SLC49A4: variants seen among roughly 807,000 people sequenced by gnomAD.
SLC49A4 encodes the protein disrupted in renal cancer protein 2.
In SLC49A4, 36 loss-of-function variants were observed where a neutral mutation model predicts 50.6. The ratio of observed to expected loss-of-function variants is 0.71; its 90% CI spans 0.55 to 0.94. SLC49A4 has a LOEUF of 0.94. Among genes scored for constraint, SLC49A4 ranks in the 40% least tolerant of loss-of-function variants. The probability of loss-of-function intolerance (pLI) is 0.00; values close to 1 mark genes in which losing one functional copy is unlikely to be tolerated. For synonymous variants in SLC49A4, 248 were observed against 241.2 expected, an observed-to-expected ratio of 1.03 and a Z score of -0.26; for missense variants, 503 against 605.7, an observed-to-expected ratio of 0.83 and a Z score of 1.78.
intron 2 of SLC49A4, among the ~76,000 whole-genome samples, chr3:122,815,741 T>A (rs1463534363): frequency 6.6e-6 from 1 of 152,122 alleles, no homozygotes; most frequent in African/African-American, 2.4e-5. Context: ...TCTTTGATTA[T>A]TGTTTGTGGC....
At chr3:122,817,419 C>T (rs1253974373) in intron 2 of SLC49A4, among the ~76,000 whole-genome samples, 1 of 152,012 alleles carries the variant, frequency 6.6e-6, no homozygotes, top group Non-Finnish European at 1.5e-5. Context: ...CCCTAGAGTC[C>T]CATGTTGGAC....
rs141731096 is a variant in SLC49A4 at position 122,838,348 on chromosome 3, C to G, written c.833+4902C>G. ...TAGACTGGATTAAGAAAATATGGCA[C>G]ATATACACCATGGAATACTATGCAG... On this transcript the variant is annotated intron_variant, in intron 4 of 8. Transcript: ENST00000261038. Among the ~76,000 whole-genome samples the G allele has an allele frequency of 1.4e-4, 22 of 152,238 alleles. No individual in the cohort carries two copies. The East Asian group carries it at 3.7e-3, about 25-fold the overall frequency.
rs779025746 is a variant in SLC49A4 at position 122,826,930 on chromosome 3, A to C, written c.568A>C (p.Ser190Arg). ...ATATAIASML[S>R]YLGGACAFLV... Reference sequence around the variant, plus strand: ...AGCCACAGCTATTGCATCAATGCTCAGTTATCTTGGGGGAGCATGTGCATT... The same window carrying C: ...AGCCACAGCTATTGCATCAATGCTCCGTTATCTTGGGGGAGCATGTGCATT... The change falls in exon 3 of 9, where the codon AGT (serine) becomes CGT (arginine). Residue 190 changes from serine to arginine, a missense_variant. Physicochemically the swap from Ser to Arg is moderately radical, Grantham distance 110. Transcript: ENST00000261038. The C allele has an allele frequency of 6.2e-7, 1 of 1,614,224 alleles. No homozygotes were observed. The highest frequency in any genetic ancestry group is 8.5e-7 in the Non-Finnish European group (1 of 1,180,038).
rs1357534394 is a variant in SLC49A4, at chr3:122,833,302, AT to A, written c.704-8del. 3.1e-6 allele frequency: 5 copies of A among 1,608,786 alleles called. No individual in the cohort carries two copies. Among genetic ancestry groups the A allele is most frequent in the Non-Finnish European group, 4.2e-6 (5 of 1,177,428 alleles). On this transcript the variant is annotated splice_polypyrimidine_tract_variant and intron_variant, in intron 3 of 8. Transcript: ENST00000261038. ...GTGTTTCCTGGTTAACATTTTACCT[AT>A]TTTTTTCTTTCAGAATTTGGAGTTG...
chr3:122,812,892 C>G (rs1218557085), intron 2 of SLC49A4, among the ~76,000 whole-genome samples: 1 of 151,786 alleles, frequency 6.6e-6, no homozygotes, highest in Non-Finnish European at 1.5e-5. Flanking sequence ...GTCAGGTGGA[C>G]TTAAGAAAGA....
intron 3 of SLC49A4, 126 bp from the exon 4 acceptor site, chr3:122,833,191 T>C: frequency 3.4e-6 from 3 of 892,288 alleles, no homozygotes. Context: ...TAGTGAGCCA[T>C]GTTCATGCCA....
Position 122,795,165 on chromosome 3 carries a change from G to A in SLC49A4, c.-28G>A, listed in dbSNP as rs1315512150. On this transcript the variant is annotated 5_prime_UTR_variant, in exon 1 of 9. Coordinates refer to ENST00000261038, the MANE Select transcript of SLC49A4 (RefSeq NM_032839.3). ...TCGGCGGTGACCCGGACTGCGCCCG[G>A]CAGTGGCTTCGCGGGCGACGCGTCG... 37 of 1,313,808 alleles carry A rather than the reference G, an allele frequency of 2.8e-5. No individual in the cohort carries two copies. Among genetic ancestry groups the A allele is most frequent in the Non-Finnish European group, 3.5e-5 (36 of 1,040,818 alleles). The allele number at this position is 1,313,808 out of a possible 1,614,324, so 81.4% of individuals were successfully genotyped here.
intron 1 of SLC49A4, among the ~76,000 whole-genome samples, chr3:122,800,704 T>C (rs1453005077): frequency 6.6e-6 from 1 of 152,202 alleles, no homozygotes; most frequent in Non-Finnish European, 1.5e-5. Context: ...GTTGATTCTT[T>C]AGTAGTAACG....
intron 4 of SLC49A4, among the ~76,000 whole-genome samples, chr3:122,834,149 T>C (rs1274335617): frequency 1.3e-5 from 2 of 152,202 alleles, no homozygotes; most frequent in Admixed American, 1.3e-4. Context: ...TGAGTTTTTA[T>C]TGATTCTTCA....
intron 5 of SLC49A4, among the ~76,000 whole-genome samples, chr3:122,853,695 G>C (rs1180489445): frequency 6.6e-6 from 1 of 152,178 alleles, no homozygotes; most frequent in Non-Finnish European, 1.5e-5. Flanking sequence ...AGGAGGCGGA[G>C]GCTGCAGTGA....
Position 122,833,312 on chromosome 3 carries a change from T to TTG in SLC49A4, c.704-4_704-3insGT. 1.2e-6 allele frequency: 2 copies of TTG among 1,611,160 alleles called. No individual in the cohort carries two copies. Among genetic ancestry groups the TTG allele is most frequent in the Non-Finnish European group, 1.7e-6 (2 of 1,178,634 alleles). On this transcript the variant is annotated splice_region_variant and splice_polypyrimidine_tract_variant and intron_variant, in intron 3 of 8. Coordinates refer to ENST00000261038, the MANE Select transcript of SLC49A4 (RefSeq NM_032839.3). Reference sequence around the variant, plus strand: ...GTTAACATTTTACCTATTTTTTTCTTTCAGAATTTGGAGTTGTCTGCTTAA... The same window carrying TTG: ...GTTAACATTTTACCTATTTTTTTCTTTGTCAGAATTTGGAGTTGTCTGCTTAA...
Position 122,879,456 on chromosome 3 carries a change from C to A in SLC49A4, c.*78C>A. 2.9e-6 allele frequency: 3 copies of A among 1,044,256 alleles called. No homozygotes were observed. The highest frequency in any genetic ancestry group is 2.5e-5 in the East Asian group (1 of 39,380). The allele number at this position is 1,044,256 out of a possible 1,614,324, so 64.7% of individuals were successfully genotyped here. ...TGCACATTTGCTCAGAATTGCACAT[C>A]TAACAGGAAAAGAGGGAGAAGAAAG... On this transcript the variant is annotated 3_prime_UTR_variant, in exon 9 of 9. Coordinates refer to ENST00000261038, the MANE Select transcript of SLC49A4 (RefSeq NM_032839.3).
At chr3:122,863,007 C>T (rs1937075636) in intron 7 of SLC49A4, among the ~76,000 whole-genome samples, 1 of 152,088 alleles carries the variant, frequency 6.6e-6, no homozygotes, top group South Asian at 2.1e-4. Context: ...TTATGTTGGA[C>T]AGAAAGGAAA....
At chr3:122,858,899 G>A (rs370029324) in intron 6 of SLC49A4, among the ~76,000 whole-genome samples, 5 of 152,112 alleles carry the variant, frequency 3.3e-5, no homozygotes, top group Non-Finnish European at 7.4e-5. Flanking sequence ...AATGATAAGC[G>A]TCTCTACCAG....
At chr3:122,843,450 C>G (rs1163834402) in intron 4 of SLC49A4, among the ~76,000 whole-genome samples, 1 of 152,158 alleles carries the variant, frequency 6.6e-6, no homozygotes, top group Non-Finnish European at 1.5e-5. Context: ...AAAATAGACT[C>G]TTTTTAACAT....
chr3:122,795,579 G>A, intron 1 of SLC49A4, 44 bp downstream of exon 1: 1 of 1,550,308 alleles, frequency 6.5e-7, no homozygotes, highest in Non-Finnish European at 8.6e-7. Context: ...TCTCCTCCGG[G>A]AGCAGGCGCC....
At chr3:122,838,186 G>T (rs1936717755) in intron 4 of SLC49A4, among the ~76,000 whole-genome samples, 3 of 152,166 alleles carry the variant, frequency 2.0e-5, no homozygotes, top group African/African-American at 7.2e-5. Context: ...AATACCATTT[G>T]ACCCAGCCAT....
At chr3:122,827,123 A>T (rs1013909521) in intron 3 of SLC49A4, 58 bp downstream of exon 3, 2 of 1,550,862 alleles carry the variant, frequency 1.3e-6, no homozygotes, top group South Asian at 2.4e-5. Flanking sequence ...AATCATCTTC[A>T]CTCTACTTTT....
chr3:122,864,765 G>C (rs1180071340), intron 7 of SLC49A4, among the ~76,000 whole-genome samples: 1 of 152,196 alleles, frequency 6.6e-6, no homozygotes, highest in Non-Finnish European at 1.5e-5. Context: ...TGTAATACCA[G>C]CACTTTGGGA....
Sources: allele counts gnomAD v4.1 joint callset (sites outside exome capture counted in the v4.1 genomes callset), GRCh38; gene constraint gnomAD v4.1.1; transcripts MANE v1.5; gene names NCBI Gene and HGNC (gene_info 2026-07-23, HGNC 2026-07-21).